The following MORN2 variants were observed in gnomAD, a reference collection of about 807,000 sequenced individuals.
MORN2 encodes the protein MORN repeat-containing protein 2.
In MORN2, 15 loss-of-function variants were observed where a neutral mutation model predicts 13.4. That is an observed-to-expected ratio of 1.12 (90% CI 0.75 to 1.72). MORN2 has a LOEUF of 1.72. Among genes scored for constraint, MORN2 ranks in the 40% most tolerant of loss-of-function variants. The pLI, the probability that MORN2 is intolerant of heterozygous loss-of-function variation, is 0.00. For synonymous variants in MORN2, 46 were observed against 43.6 expected (o/e 1.06, Z -0.22); for missense variants, 168 against 134.6 (o/e 1.25, Z -1.23).
chr2:38,882,411 A>T lies in MORN2; in HGVS notation c.354-2A>T. On this transcript the variant is annotated splice_acceptor_variant, in intron 4 of 4. Coordinates refer to ENST00000644631, the MANE Select transcript of MORN2 (RefSeq NM_001145450.3). LOFTEE classifies it high-confidence loss of function. ...TGGAAAACTTATTTTCTACTATTGC[A>T]GGGTGGAAGGTGAAGGGGAATATAC... 6.5e-7 allele frequency: 1 copy of T among 1,534,646 alleles called. No homozygotes were observed. Among genetic ancestry groups the T allele is most frequent in the Non-Finnish European group, 8.8e-7 (1 of 1,133,254 alleles).
chr2:38,877,630 T>G (rs1308699888), intron 1 of MORN2, among the ~76,000 whole-genome samples: 1 of 152,006 alleles, frequency 6.6e-6, no homozygotes, highest in Non-Finnish European at 1.5e-5. Flanking sequence ...AGTTACAGAT[T>G]CTTTTTTTTT....
intron 1 of MORN2, among the ~76,000 whole-genome samples, chr2:38,879,322 A>C (rs1665724031): frequency 6.6e-6 from 1 of 152,210 alleles, no homozygotes; most frequent in Admixed American, 6.5e-5. Context: ...TGTTTTGAAA[A>C]TGTACATCAG....
At chr2:38,880,398 C>G (rs1266829658) in intron 2 of MORN2, among the ~76,000 whole-genome samples, 169 bp downstream of exon 2, 1 of 152,054 alleles carries the variant, frequency 6.6e-6, no homozygotes, top group Non-Finnish European at 1.5e-5. Flanking sequence ...ATTCCAATGC[C>G]TTGGAAACCT....
intron 1 of MORN2, among the ~76,000 whole-genome samples, chr2:38,878,357 A>G (rs978250181): frequency 6.6e-6 from 1 of 152,126 alleles, no homozygotes; most frequent in Non-Finnish European, 1.5e-5. Context: ...GATTTTGCTT[A>G]GTTCCCATTT....
In MORN2 at chr2:38,882,573, G is replaced by A. The variant is rs929654823; in HGVS notation, c.*58G>A. The A allele has an allele frequency of 1.6e-6, 2 of 1,283,652 alleles. No homozygotes were observed. Among genetic ancestry groups the A allele is most frequent in the Non-Finnish European group, 2.2e-6 (2 of 910,180 alleles). The allele number at this position is 1,283,652 out of a possible 1,614,324, so 79.5% of individuals were successfully genotyped here. On this transcript the variant is annotated 3_prime_UTR_variant, in exon 5 of 5. Transcript: ENST00000644631. ...ATTGAAGCTTTTAGTTGTAAGGAAA[G>A]CAACTTAATCTGTTATTTGAAATGA...
intron 2 of MORN2, 89 bp from the exon 3 acceptor site, chr2:38,880,511 G>C (rs1344245617): frequency 2.9e-6 from 2 of 686,372 alleles, no homozygotes; most frequent in African/African-American, 3.7e-5. Context: ...CAGTGCTAGG[G>C]AGCCAAAGAA....
At position 38,882,664 on chromosome 2, in the gene MORN2, A is replaced by G; in HGVS notation, c.*149A>G. 4.0e-6 allele frequency: 2 copies of G among 495,058 alleles called. No homozygotes were observed. Among genetic ancestry groups the G allele is most frequent in the East Asian group, 6.2e-5 (2 of 32,272 alleles). The allele number at this position is 495,058 out of a possible 1,614,324, so 30.7% of individuals were successfully genotyped here. A position where few individuals can be genotyped will look rare whatever the true frequency, so the allele number is the denominator to read the frequency against. On this transcript the variant is annotated 3_prime_UTR_variant, in exon 5 of 5. Transcript: ENST00000644631. ...ACCTGCTTACACCTTTTTGAACTTT[A>G]TATTCATTGTCTTACAATTAGTTTA...
intron 1 of MORN2, among the ~76,000 whole-genome samples, chr2:38,879,248 A>C (rs531687317): frequency 6.6e-6 from 1 of 152,250 alleles, no homozygotes; most frequent in South Asian, 2.1e-4. Context: ...TACCAAAGAG[A>C]AATAAAAACA....
At chr2:38,881,413 T>G (rs1228745368) in intron 3 of MORN2, 29 bp from the exon 4 acceptor site, 1 of 1,517,552 alleles carries the variant, frequency 6.6e-7, no homozygotes, top group South Asian at 1.3e-5. Context: ...AAGATTAGTT[T>G]CTAAGGTAAT....
In MORN2 at chr2:38,877,283, TAAA is replaced by T. The variant is rs1558415676; in HGVS notation, c.58+1174_58+1176del. ...TCCGTCTCAAAAATAAATAAATAAA[TAAA>T]TAAATTAAATTAAATTAAATTAAAT... On this transcript the variant is annotated intron_variant, in intron 1 of 4. Transcript: ENST00000644631. 2.9e-3 allele frequency among the ~76,000 whole-genome samples: 431 copies of T among 148,740 alleles called. 3 individuals carry two copies. Among genetic ancestry groups the T allele is most frequent in the Middle Eastern group, 0.01 (3 of 288 alleles).
Position 38,879,202 on chromosome 2 carries a change from C to T in MORN2, c.59-977C>T, listed in dbSNP as rs145794945. 2.0e-3 allele frequency among the ~76,000 whole-genome samples: 297 copies of T among 152,246 alleles called. 2 individuals are homozygous for T. Among genetic ancestry groups the T allele is most frequent in the African/African-American group, 6.4e-3 (265 of 41,540 alleles). ...CCAATTTAAAGATTCCTCACTCCAC[C>T]TTACCTCTGTGGGACAATCAGTAAA... is the stretch of plus-strand genomic sequence containing the variant. On this transcript the variant is annotated intron_variant, in intron 1 of 4. Coordinates refer to ENST00000644631, the MANE Select transcript of MORN2 (RefSeq NM_001145450.3).
At chr2:38,879,766 A>G (rs1192662330) in intron 1 of MORN2, among the ~76,000 whole-genome samples, 1 of 152,228 alleles carries the variant, frequency 6.6e-6, no homozygotes, top group Non-Finnish European at 1.5e-5. Flanking sequence ...TACTAAAAAA[A>G]TCAAATTGTA....
chr2:38,878,016 G>A (rs887154275), intron 1 of MORN2, among the ~76,000 whole-genome samples: 1 of 151,272 alleles, frequency 6.6e-6, no homozygotes, highest in African/African-American at 2.4e-5. Context: ...GGCTGGTCTC[G>A]AACTCCTAGG....
intron 3 of MORN2, among the ~76,000 whole-genome samples, chr2:38,880,929 C>G (rs1272722607): frequency 1.3e-5 from 2 of 152,186 alleles, no homozygotes; most frequent in Admixed American, 1.3e-4. Context: ...TTGAGTAAAG[C>G]TGAATCCGTT....
In MORN2 at chr2:38,880,573, A is replaced by G; in HGVS notation, c.110-27A>G. The G allele has an allele frequency of 3.5e-6, 5 of 1,430,122 alleles. No individual in the cohort carries two copies. In the African/African-American group the frequency reaches 4.3e-5, roughly 12 times the overall value. 88.6% of individuals were successfully genotyped at this position (1,430,122 alleles called of 1,614,324 possible). A position where few individuals can be genotyped will look rare whatever the true frequency, so the allele number is the denominator to read the frequency against. ...CCCAGACATAACTATTCTCATTTAT[A>G]ATCTTCAGTTTTTCTCCTCTGTTTA... On this transcript the variant is annotated intron_variant, in intron 2 of 4. Coordinates refer to ENST00000644631, the MANE Select transcript of MORN2 (RefSeq NM_001145450.3).
chr2:38,881,897 T>A (rs1276828957), intron 4 of MORN2, among the ~76,000 whole-genome samples: 2 of 152,224 alleles, frequency 1.3e-5, no homozygotes, highest in Non-Finnish European at 2.9e-5. Flanking sequence ...GTGATCTGCC[T>A]GCCTCGGCCT....
Position 38,882,607 on chromosome 2 carries a change from A to G in MORN2, c.*92A>G, listed in dbSNP as rs1558417638. On this transcript the variant is annotated 3_prime_UTR_variant, in exon 5 of 5. Coordinates refer to ENST00000644631, the MANE Select transcript of MORN2 (RefSeq NM_001145450.3). Reference sequence around the variant, plus strand: ...TCTGTTATTTGAAATGACTTCATACACTACCCCTATAAGTTTGCCAATAAA... The same window carrying G: ...TCTGTTATTTGAAATGACTTCATACGCTACCCCTATAAGTTTGCCAATAAA... The G allele has an allele frequency of 2.3e-6, 2 of 856,280 alleles. No individual in the cohort carries two copies. Among genetic ancestry groups the G allele is most frequent in the East Asian group, 2.7e-5 (1 of 36,916 alleles). The allele number at this position is 856,280 out of a possible 1,614,324, so 53.0% of individuals were successfully genotyped here.
rs1254124683 is a variant in MORN2 at position 38,882,500 on chromosome 2, A to C, written c.441A>C (p.Leu147Phe). The change falls in exon 5 of 5, where the codon TTA (leucine) becomes TTC (phenylalanine). Residue 147 changes from leucine (L) to phenylalanine (F), a missense_variant. Leu to Phe is a conservative substitution (Grantham distance 22). Transcript: ENST00000644631. ...TTACAGCTGCTCCAGACCTGAAATT[A>C]AAGCTTCACATGTAGATGTGATGTT... 3.2e-6 allele frequency: 5 copies of C among 1,549,520 alleles called. No homozygotes were observed. The South Asian group carries it at 4.8e-5, about 15-fold the overall frequency.
intron 3 of MORN2, 106 bp downstream of exon 3, chr2:38,880,812 A>T (rs1323547993): frequency 3.5e-6 from 4 of 1,159,162 alleles, no homozygotes; most frequent in Non-Finnish European, 4.7e-6. Context: ...AGTAGACTAT[A>T]TAATAAAAAT....
Sources: gnomAD v4.1 joint callset for allele counts (sites outside exome capture counted in the v4.1 genomes callset) on GRCh38, gnomAD v4.1.1 for gene constraint, MANE v1.5 for transcripts, NCBI Gene and HGNC (gene_info 2026-07-23, HGNC 2026-07-21) for gene names.